Variants in GLRX3 observed in about 807,000 individuals in gnomAD.
GLRX3 encodes the protein glutaredoxin-3.
GLRX3 carries 22 observed loss-of-function variants against 49.5 expected under a neutral mutation model. The observed-to-expected ratio is 0.44, with a 90% confidence interval of 0.32 to 0.63. GLRX3 has a LOEUF of 0.63. Ranked by LOEUF, GLRX3 falls within the 30% of genes least tolerant of loss-of-function variation. The pLI is 0.05. For missense variants in GLRX3, 385 were observed against 396.3 expected (o/e 0.97, Z 0.24); for synonymous variants, 133 against 140.0 (o/e 0.95, Z 0.35).
In GLRX3 at chr10:130,167,481, G is replaced by A. The variant is rs555689295; in HGVS notation, c.713+501G>A. Among the ~76,000 whole-genome samples the A allele has an allele frequency of 1.7e-4, 26 of 152,282 alleles. No homozygotes were observed. In the East Asian group the frequency reaches 4.8e-3, roughly 28 times the overall value. ...CGAGAACTTACATGAACAGATTTTG[G>A]AGGTGTGAAACATGTATTTGTTTTA... On this transcript the variant is annotated intron_variant, in intron 6 of 10. Coordinates refer to ENST00000331244, the MANE Select transcript of GLRX3 (RefSeq NM_006541.5).
At chr10:130,149,844 A>G (rs1363672238) in intron 2 of GLRX3, among the ~76,000 whole-genome samples, 1 of 141,710 alleles carries the variant, frequency 7.1e-6, no homozygotes, top group African/African-American at 2.6e-5. Flanking sequence ...TTTTGTCTAT[A>G]TTGTCATTTA....
At chr10:130,175,958 G>A (rs1329377034) in intron 10 of GLRX3, among the ~76,000 whole-genome samples, 1 of 152,210 alleles carries the variant, frequency 6.6e-6, no homozygotes, top group African/African-American at 2.4e-5. Context: ...TCAGGGGCAT[G>A]AACAAAACTG....
intron 7 of GLRX3, among the ~76,000 whole-genome samples, chr10:130,171,066 T>G (rs1268200591): frequency 6.7e-6 from 1 of 150,330 alleles, no homozygotes; most frequent in East Asian, 2.0e-4. Flanking sequence ...AGGTGGACAT[T>G]GCAGTGAGCC....
At chr10:130,154,154 A>C (rs1862432306) in intron 2 of GLRX3, among the ~76,000 whole-genome samples, 1 of 152,152 alleles carries the variant, frequency 6.6e-6, no homozygotes, top group South Asian at 2.1e-4. Context: ...CACGGGAGGG[A>C]ATCTCCTGGT....
intron 2 of GLRX3, among the ~76,000 whole-genome samples, chr10:130,150,260 GAAA>G (rs1799133123): frequency 2.7e-5 from 4 of 146,746 alleles, no homozygotes; most frequent in South Asian, 2.2e-4. Context: ...AAAAAAGAAA[GAAA>G]GAAAAAGAAA....
chr10:130,173,932 T>C (rs1290036058), intron 8 of GLRX3, among the ~76,000 whole-genome samples: 1 of 152,126 alleles, frequency 6.6e-6, no homozygotes. Flanking sequence ...TTATGGAAAG[T>C]CCAGTTTTTT....
At chr10:130,151,450 C>T (rs1788730008) in intron 2 of GLRX3, among the ~76,000 whole-genome samples, 1 of 152,086 alleles carries the variant, frequency 6.6e-6, no homozygotes, top group South Asian at 2.1e-4. Flanking sequence ...TATACATGTG[C>T]CATGTTGGTT....
chr10:130,172,616 T>C (rs1862834031), intron 8 of GLRX3, among the ~76,000 whole-genome samples: 1 of 152,218 alleles, frequency 6.6e-6, no homozygotes, highest in African/African-American at 2.4e-5. Context: ...AATAGTTAAA[T>C]AGTACAGGTT....
chr10:130,175,314 A>G (rs1311584010), intron 10 of GLRX3, among the ~76,000 whole-genome samples: 1 of 152,112 alleles, frequency 6.6e-6, no homozygotes, highest in Non-Finnish European at 1.5e-5. Flanking sequence ...TGAGCTAACC[A>G]TTGCATCTCC....
chr10:130,146,018 C>T (rs1862264282), intron 2 of GLRX3, among the ~76,000 whole-genome samples: 3 of 152,132 alleles, frequency 2.0e-5, no homozygotes, highest in African/African-American at 7.2e-5. Flanking sequence ...TAGTCTTGGT[C>T]TCTTGACCTC....
chr10:130,180,062 G>C (rs1368776913), downstream of GLRX3: 1 of 150,372 alleles, frequency 6.7e-6, no homozygotes, highest in Admixed American at 6.6e-5. Flanking sequence ...ACAAAGAATG[G>C]AAAAGTATTG....
intron 1 of GLRX3, among the ~76,000 whole-genome samples, chr10:130,143,341 C>A (rs937292871): frequency 6.6e-6 from 1 of 152,100 alleles, no homozygotes; most frequent in African/African-American, 2.4e-5. Flanking sequence ...TGCCATGGAA[C>A]ATATTTCTGT....
At chr10:130,163,667 A>AAT (rs1862620701) in intron 4 of GLRX3, among the ~76,000 whole-genome samples, 1 of 152,286 alleles carries the variant, frequency 6.6e-6, no homozygotes, top group South Asian at 2.1e-4. Context: ...GCTGTTCTTT[A>AAT]ATAAAATACT....
At chr10:130,157,385 G>A in intron 2 of GLRX3, among the ~76,000 whole-genome samples, 1 of 151,122 alleles carries the variant, frequency 6.6e-6, no homozygotes, top group Non-Finnish European at 1.5e-5. Flanking sequence ...AGGAGAGGGA[G>A]GGAGAGAGAG....
intron 4 of GLRX3, among the ~76,000 whole-genome samples, chr10:130,166,197 A>AC (rs757044939): frequency 4.6e-5 from 7 of 151,874 alleles, no homozygotes; most frequent in Non-Finnish European, 8.8e-5. Context: ...CCTGTGACAA[A>AC]AAATGTCCAT....
chr10:130,163,460 G>A (rs7903592), intron 4 of GLRX3, among the ~76,000 whole-genome samples: 70,179 of 151,994 alleles, frequency 0.46, 16,425 homozygotes, highest in South Asian at 0.53. Flanking sequence ...ATCTGAAAAC[G>A]TAGTATTATA....
Position 130,149,223 on chromosome 10 carries a change from A to G in GLRX3, c.201+3904A>G, listed in dbSNP as rs139521408. On this transcript the variant is annotated intron_variant, in intron 2 of 10. Transcript: ENST00000331244. ...CCAGAGGAGATGATGTGGTATTTCT[A>G]TCACTAAAAGGAGTTCAAGACCAGC... Among the ~76,000 whole-genome samples, 476 of 152,170 alleles carry G rather than the reference A, an allele frequency of 3.1e-3. 2 individuals are homozygous for G. The highest frequency in any genetic ancestry group is 5.4e-3 in the South Asian group (26 of 4,822).
intron 2 of GLRX3, among the ~76,000 whole-genome samples, 159 bp downstream of exon 2, chr10:130,145,478 C>T (rs1172401086): frequency 6.6e-6 from 1 of 152,040 alleles, no homozygotes; most frequent in Non-Finnish European, 1.5e-5. Context: ...GCCCAGCCAA[C>T]ATAGTGAAAC....
intron 2 of GLRX3, among the ~76,000 whole-genome samples, chr10:130,147,503 G>C (rs928376495): frequency 2.0e-5 from 3 of 152,152 alleles, no homozygotes; most frequent in African/African-American, 7.2e-5. Context: ...TTGGGTTGTG[G>C]GGGATACCTG....
Sources: gnomAD v4.1 joint callset for allele counts (sites outside exome capture counted in the v4.1 genomes callset) on GRCh38, gnomAD v4.1.1 for gene constraint, MANE v1.5 for transcripts, NCBI Gene and HGNC (gene_info 2026-07-23, HGNC 2026-07-21) for gene names.